TRIM3: variants seen among roughly 807,000 people sequenced by gnomAD.
TRIM3 encodes tripartite motif-containing protein 3.
TRIM3 carries 13 observed loss-of-function variants against 66.6 expected under a neutral mutation model. That is an observed-to-expected ratio of 0.20 (90% CI 0.13 to 0.31). TRIM3 has a LOEUF of 0.31. Among genes scored for constraint, TRIM3 ranks in the 10% least tolerant of loss-of-function variants. TRIM3 has a pLI of 1.00. For synonymous variants in TRIM3, 406 were observed against 411.7 expected (o/e 0.99, Z 0.17); for missense variants, 711 against 1,020.4 (o/e 0.70, Z 4.13).
intron 7 of TRIM3, among the ~76,000 whole-genome samples, chr11:6,454,786 C>G (rs1271534521): frequency 6.6e-6 from 1 of 152,062 alleles, no homozygotes; most frequent in African/African-American, 2.4e-5. Context: ...AGGTGAAAAG[C>G]AGGGGTCAGA....
Position 6,449,184 on chromosome 11 carries a change from G to A in TRIM3, c.2083-4C>T. The A allele has an allele frequency of 1.2e-6, 2 of 1,613,868 alleles. No individual in the cohort carries two copies. Among genetic ancestry groups the A allele is most frequent in the Non-Finnish European group, 1.7e-6 (2 of 1,179,754 alleles). ...AGGAGCCAGAGCTGTCGAATACCTGGGGAAGGAGTGCAGAAAGGAGGGAGA... is the reference window on the plus strand; with the variant it reads ...AGGAGCCAGAGCTGTCGAATACCTGAGGAAGGAGTGCAGAAAGGAGGGAGA... On this transcript the variant is annotated splice_polypyrimidine_tract_variant and splice_region_variant and intron_variant, in intron 11 of 11. Coordinates refer to ENST00000345851, the MANE Select transcript of TRIM3 (RefSeq NM_033278.4). This position sits in a 1 kb window ranked among gnomAD's most constrained non-coding sequence, Gnocchi z 5.3.
Position 6,449,575 on chromosome 11 carries a change from T to C in TRIM3, c.1942-129A>G. 1.2e-6 allele frequency: 1 copy of C among 813,324 alleles called. No homozygotes were observed. The highest frequency in any genetic ancestry group is 1.9e-5 in the South Asian group (1 of 53,848). 50.4% of individuals were successfully genotyped at this position (813,324 alleles called of 1,614,324 possible). ...ATCTACAGCTACAGCCCAAATCTGC[T>C]TCATAGGCTTCACATCCATGTGCCC... On this transcript the variant is annotated intron_variant, in intron 10 of 11. Coordinates refer to ENST00000345851, the MANE Select transcript of TRIM3 (RefSeq NM_033278.4). The surrounding 1 kb of genome is among the most constrained non-coding windows in gnomAD (Gnocchi z 5.3).
At chr11:6,459,881 G>A (rs1414446788) in intron 2 of TRIM3, among the ~76,000 whole-genome samples, 1 of 152,204 alleles carries the variant, frequency 6.6e-6, no homozygotes, top group Non-Finnish European at 1.5e-5. Context: ...CCTTGTCCTG[G>A]TTGAATTTAC....
intron 7 of TRIM3, chr11:6,452,525 C>T (rs1163196419): frequency 1.3e-5 from 2 of 152,194 alleles, no homozygotes; most frequent in South Asian, 2.1e-4. Flanking sequence ...GCCCCGGCCC[C>T]ACCCCAACTC....
chr11:6,450,980 G>C lies in TRIM3; in HGVS notation c.1782C>G (p.Asn594Lys). ...DRNGHIIVVD[N>K]KSCCVFTFQP... ...GGAAGGTAAAGACGCAGCAAGACTT[G>C]TTGTCGACCACAATGATATGTCCAT... The change falls in exon 9 of 12, where the codon AAC (asparagine) becomes AAG (lysine). Residue 594 changes from asparagine to lysine, a missense_variant. Around this residue, in one of 3 missense-constraint regions of TRIM3, gnomAD observed 163 missense variants for 321.9 expected, o/e 0.51. Coordinates refer to ENST00000345851, the MANE Select transcript of TRIM3 (RefSeq NM_033278.4). This position sits in a 1 kb window ranked among gnomAD's most constrained non-coding sequence, Gnocchi z 4.8. The C allele has an allele frequency of 6.2e-7, 1 of 1,614,242 alleles. No homozygotes were observed. Among genetic ancestry groups the C allele is most frequent in the South Asian group, 1.1e-5 (1 of 91,092 alleles).
rs1850089433 is a variant in TRIM3 at position 6,458,465 on chromosome 11, G to A, written c.132-169C>T. 2 of 618,016 alleles carry A rather than the reference G, an allele frequency of 3.2e-6. No individual in the cohort carries two copies. The highest frequency in any genetic ancestry group is 2.9e-6 in the Non-Finnish European group (1 of 349,958). 38.3% of individuals were successfully genotyped at this position (618,016 alleles called of 1,614,324 possible). A position where few individuals can be genotyped will look rare whatever the true frequency, so the allele number is the denominator to read the frequency against. ...ATCTGCCAGCAGGTATAATGGCCTT[G>A]CCCCTTACAACTGAGTAGGAACACA... On this transcript the variant is annotated intron_variant, in intron 2 of 11. Coordinates refer to ENST00000345851, the MANE Select transcript of TRIM3 (RefSeq NM_033278.4). This position sits in a 1 kb window ranked among gnomAD's most constrained non-coding sequence, Gnocchi z 6.2.
chr11:6,460,520 G>A (rs988696445), intron 2 of TRIM3, among the ~76,000 whole-genome samples: 1 of 152,150 alleles, frequency 6.6e-6, no homozygotes, highest in Non-Finnish European at 1.5e-5. Flanking sequence ...GAGGAGGACT[G>A]GACGTCAGTC....
Position 6,450,283 on chromosome 11 carries a change from ACAT to A in TRIM3, c.1941+265_1941+267del. ...GCACCTTCCTATCACAGAATCTATT[ACAT>A]CATATTGTAATTTTTTGGTTACCTT... On this transcript the variant is annotated intron_variant, in intron 10 of 11. Coordinates refer to ENST00000345851, the MANE Select transcript of TRIM3 (RefSeq NM_033278.4). This position sits in a 1 kb window ranked among gnomAD's most constrained non-coding sequence, Gnocchi z 4.8. The A allele has an allele frequency of 2.0e-6, 1 of 506,842 alleles. No homozygotes were observed. Among genetic ancestry groups the A allele is most frequent in the Admixed American group, 3.4e-5 (1 of 29,054 alleles). 31.4% of individuals were successfully genotyped at this position (506,842 alleles called of 1,614,324 possible).
intron 2 of TRIM3, among the ~76,000 whole-genome samples, chr11:6,459,926 A>C (rs934140691): frequency 5.3e-5 from 8 of 152,240 alleles, no homozygotes; most frequent in African/African-American, 1.9e-4. Context: ...GGTCACCAGT[A>C]GACAGGAGAA....
rs755614612 is a variant in TRIM3 at position 6,449,081 on chromosome 11, C to A, written c.2182G>T (p.Val728Leu). The A allele has an allele frequency of 6.2e-7, 1 of 1,614,080 alleles. No homozygotes were observed. ...CAGTGGTTGCCAGCATCAGCCACCACCACATGGCCATCCGAGGTCAGTGCC... is the reference window on the plus strand; with the variant it reads ...CAGTGGTTGCCAGCATCAGCCACCAACACATGGCCATCCGAGGTCAGTGCC... Reference protein sequence around the residue: ...GLALTSDGHVVVADAGNHCFK... With the variant: ...GLALTSDGHVLVADAGNHCFK... Residue 728 changes from valine (V) to leucine (L), a missense_variant, in exon 12 of 12, where the codon GTG (valine) becomes TTG (leucine). Transcript: ENST00000345851. This position sits in a 1 kb window ranked among gnomAD's most constrained non-coding sequence, Gnocchi z 5.3.
chr11:6,455,987 G>A lies in TRIM3; in HGVS notation c.1533+85C>T. 3 of 1,325,314 alleles carry A rather than the reference G, an allele frequency of 2.3e-6. No homozygotes were observed. The South Asian group carries it at 3.6e-5, about 16-fold the overall frequency. The allele number at this position is 1,325,314 out of a possible 1,614,324, so 82.1% of individuals were successfully genotyped here. ...TCTGTAGGGTTCCATCTTCCAGGAG[G>A]TGACCTGTACATTCTATCTTTTCAG... On this transcript the variant is annotated intron_variant, in intron 7 of 11. Transcript: ENST00000345851.
At position 6,464,420 on chromosome 11, in the gene TRIM3, T is replaced by G. The variant is rs77737416; in HGVS notation, c.131+1145A>C. ...CTCTGAATTGCTCCTCAGGGAAACC[T>G]TCCCTGATTCTCCAAACTATAACAG... is the stretch of plus-strand genomic sequence containing the variant. On this transcript the variant is annotated intron_variant, in intron 2 of 11. Transcript: ENST00000345851. 2.2e-4 allele frequency among the ~76,000 whole-genome samples: 33 copies of G among 152,358 alleles called. No individual in the cohort carries two copies. In the South Asian group the frequency reaches 3.9e-3, roughly 18 times the overall value.
chr11:6,464,416 A>G lies in TRIM3; in HGVS notation c.131+1149T>C, dbSNP rs544126030. Among the ~76,000 whole-genome samples, 139 of 152,326 alleles carry G rather than the reference A, an allele frequency of 9.1e-4. 2 individuals are homozygous for G. Among genetic ancestry groups the G allele is most frequent in the South Asian group, 3.3e-3 (16 of 4,830 alleles). On this transcript the variant is annotated intron_variant, in intron 2 of 11. Coordinates refer to ENST00000345851, the MANE Select transcript of TRIM3 (RefSeq NM_033278.4). The stretch of plus-strand genomic sequence containing the variant: ...CATCCTCTGAATTGCTCCTCAGGGA[A>G]ACCTTCCCTGATTCTCCAAACTATA...
intron 2 of TRIM3, among the ~76,000 whole-genome samples, chr11:6,459,333 G>A (rs1449815632): frequency 6.6e-6 from 1 of 152,218 alleles, no homozygotes; most frequent in Non-Finnish European, 1.5e-5. Context: ...ATAGGAAGCT[G>A]CAAGAGAGTG....
rs763862185 is a variant in TRIM3 at position 6,457,522 on chromosome 11, C to A, written c.516-46G>T. The A allele has an allele frequency of 2.5e-6, 4 of 1,595,182 alleles. No homozygotes were observed. Among genetic ancestry groups the A allele is most frequent in the South Asian group, 2.2e-5 (2 of 89,386 alleles). On this transcript the variant is annotated intron_variant, in intron 4 of 11. Transcript: ENST00000345851. This position sits in a 1 kb window ranked among gnomAD's most constrained non-coding sequence, Gnocchi z 4.5. ...TCCAGAGTTGCTGAGGGTGGCTTTG[C>A]CGAACTTTCCCTTCTCCCTGGGGAA...
At chr11:6,451,157 C>T (rs776936169) in intron 8 of TRIM3, 97 bp from the exon 9 acceptor site, 197 of 1,587,192 alleles carry the variant, frequency 1.2e-4, no homozygotes, top group Non-Finnish European at 1.6e-4. Flanking sequence ...GGGGAAAGAA[C>T]AGGGAGTAGG....
In TRIM3 at chr11:6,449,454, G is replaced by A. The variant is rs1272805196; in HGVS notation, c.1942-8C>T. ...TCCATCGGCACTGTACACCTGGCGG[G>A]GGAAGGGGCTAGGGACTGGGGACCT... On this transcript the variant is annotated splice_polypyrimidine_tract_variant and splice_region_variant and intron_variant, in intron 10 of 11. Transcript: ENST00000345851. This position sits in a 1 kb window ranked among gnomAD's most constrained non-coding sequence, Gnocchi z 5.3. 1.2e-6 allele frequency: 2 copies of A among 1,612,256 alleles called. No individual in the cohort carries two copies. The highest frequency in any genetic ancestry group is 1.7e-6 in the Non-Finnish European group (2 of 1,178,888).
chr11:6,465,516 A>T, intron 2 of TRIM3, 49 bp downstream of exon 2: 1 of 1,605,214 alleles, frequency 6.2e-7, no homozygotes, highest in Admixed American at 1.7e-5. Flanking sequence ...GAGGATCCTC[A>T]TCCTCCCCAC....
At position 6,458,248 on chromosome 11, in the gene TRIM3, T is replaced by C. The variant is rs931318692; in HGVS notation, c.180A>G (p.Pro60=). ...IPAQSLTLSC[P]VCRQTSILPE... ...GGAGGATGGACGTCTGCCGGCATAC[T>C]GGACAGGATAGCGTCAGGCTCTGGG... Residue 60 remains proline, a synonymous_variant, in exon 3 of 12, where the codon CCA becomes CCG. Coordinates refer to ENST00000345851, the MANE Select transcript of TRIM3 (RefSeq NM_033278.4). This position sits in a 1 kb window ranked among gnomAD's most constrained non-coding sequence, Gnocchi z 6.2. 2 of 1,614,202 alleles carry C rather than the reference T, an allele frequency of 1.2e-6. No homozygotes were observed. The highest frequency in any genetic ancestry group is 1.7e-6 in the Non-Finnish European group (2 of 1,180,032).
Sources: gnomAD v4.1 joint callset for allele counts (sites outside exome capture counted in the v4.1 genomes callset) on GRCh38, gnomAD v4.1.1 for gene constraint, gnomAD v4.1.1 regional missense constraint, Gnocchi (gnomAD v3.1) non-coding constraint, MANE v1.5 for transcripts, NCBI Gene and HGNC (gene_info 2026-07-23, HGNC 2026-07-21) for gene names.